LATS2: variants seen among roughly 807,000 people sequenced by gnomAD.
The protein encoded by LATS2 is serine/threonine-protein kinase LATS2.
A neutral mutation model predicts 76.0 loss-of-function variants in LATS2; 24 were observed. That is an observed-to-expected ratio of 0.32 (90% CI 0.23 to 0.44). LATS2 has a LOEUF of 0.44. Ranked by LOEUF, LATS2 falls within the 20% of genes least tolerant of loss-of-function variation. The pLI, the probability that LATS2 is intolerant of heterozygous loss-of-function variation, is 1.00. For missense variants in LATS2, 1,286 were observed against 1,481.2 expected (o/e 0.87, Z 2.16); for synonymous variants, 692 against 635.4 (o/e 1.09, Z -1.34).
intron 2 of LATS2, among the ~76,000 whole-genome samples, chr13:21,008,705 G>A (rs1396486273): frequency 6.6e-6 from 1 of 152,136 alleles, no homozygotes; most frequent in East Asian, 1.9e-4. Flanking sequence ...TGTTGGCAAA[G>A]TTAGAGAGAT....
At chr13:20,978,213 C>A (rs1261471414) in intron 7 of LATS2, among the ~76,000 whole-genome samples, 1 of 152,116 alleles carries the variant, frequency 6.6e-6, no homozygotes, top group East Asian at 1.9e-4. Context: ...CCACGCCCAA[C>A]CTTACTAGAC....
intron 4 of LATS2, among the ~76,000 whole-genome samples, chr13:20,985,764 G>A (rs1383936192): frequency 6.6e-6 from 1 of 150,742 alleles, no homozygotes; most frequent in Non-Finnish European, 1.5e-5. Context: ...AATAAAATAA[G>A]GCCAGGCGCG....
rs188555704 is a variant in LATS2 at position 21,017,859 on chromosome 13, C to G, written c.343-26455G>C. ...CAGACTGGTCTTGAACTCCTGACCT[C>G]AGGTGATCCGCCTGCCTTGGCCTCC... On this transcript the variant is annotated intron_variant, in intron 2 of 7. Transcript: ENST00000382592. 2.0e-5 allele frequency among the ~76,000 whole-genome samples: 3 copies of G among 152,296 alleles called. No individual in the cohort carries two copies. In the East Asian group the frequency reaches 5.8e-4, roughly 29 times the overall value.
intron 2 of LATS2, among the ~76,000 whole-genome samples, chr13:21,012,939 G>C (rs1565954201): frequency 6.6e-6 from 1 of 152,188 alleles, no homozygotes; most frequent in South Asian, 2.1e-4. Flanking sequence ...AATGCTCCAA[G>C]TACTTGTTTC....
intron 2 of LATS2, among the ~76,000 whole-genome samples, chr13:21,009,529 A>T (rs996583388): frequency 1.3e-5 from 2 of 152,228 alleles, no homozygotes; most frequent in Admixed American, 6.5e-5. Context: ...AAGTAAAAAC[A>T]CAACAACAAA....
intron 2 of LATS2, among the ~76,000 whole-genome samples, chr13:21,009,439 C>T (rs1450598049): frequency 6.6e-6 from 1 of 152,166 alleles, no homozygotes; most frequent in Admixed American, 6.5e-5. Context: ...AAACAATTCC[C>T]ATACTCTTTG....
chr13:20,987,009 A>G (rs1477879199), intron 4 of LATS2, among the ~76,000 whole-genome samples: 1 of 152,194 alleles, frequency 6.6e-6, no homozygotes, highest in Non-Finnish European at 1.5e-5. Flanking sequence ...TCTGACCAAC[A>G]TGGCGAAACC....
rs935357275 is a variant in LATS2 at position 20,988,640 on chromosome 13, G to A, written c.1140C>T (p.Ser380=). ...GCGCCTCCAGGCCCGGCTTCTGCAGGGAGTCCCGGCGGGCCAGGGTGGCAG... is the reference window on the plus strand; with the variant it reads ...GCGCCTCCAGGCCCGGCTTCTGCAGAGAGTCCCGGCGGGCCAGGGTGGCAG... ...WPAATLARRD[S]LQKPGLEAPP... The change falls in exon 4 of 8, where the codon TCC becomes TCT. Residue 380 remains serine, a synonymous_variant. Transcript: ENST00000382592. 4 of 1,585,396 alleles carry A rather than the reference G, an allele frequency of 2.5e-6. No individual in the cohort carries two copies. Among genetic ancestry groups the A allele is most frequent in the Non-Finnish European group, 3.4e-6 (4 of 1,174,668 alleles).
At chr13:21,025,581 T>C (rs1275096013) in intron 2 of LATS2, among the ~76,000 whole-genome samples, 3 of 152,268 alleles carry the variant, frequency 2.0e-5, no homozygotes, top group Admixed American at 2.0e-4. Context: ...ACTTAGGTTT[T>C]ATTCCTCTTC....
chr13:20,979,618 G>C lies in LATS2; in HGVS notation c.2772+73C>G. 4 of 757,218 alleles carry C rather than the reference G, an allele frequency of 5.3e-6. 1 individual carries two copies. Among genetic ancestry groups the C allele is most frequent in the South Asian group, 5.2e-5 (3 of 58,082 alleles). 46.9% of individuals were successfully genotyped at this position (757,218 alleles called of 1,614,324 possible). On this transcript the variant is annotated intron_variant, in intron 7 of 7. Coordinates refer to ENST00000382592, the MANE Select transcript of LATS2 (RefSeq NM_014572.3). ...TACTCAGAATAAGAGGGCAAATGCT[G>C]ACCAAAGATTCATGGGTACATGAGC...
intron 2 of LATS2, among the ~76,000 whole-genome samples, chr13:20,992,074 A>T (rs953469341): frequency 1.3e-5 from 2 of 152,176 alleles, no homozygotes; most frequent in Admixed American, 1.3e-4. Context: ...GGTAAAATGG[A>T]TGAGGGCCAC....
chr13:21,042,678 C>T (rs537330910), intron 2 of LATS2, among the ~76,000 whole-genome samples: 2 of 152,032 alleles, frequency 1.3e-5, no homozygotes, highest in Non-Finnish European at 1.5e-5. Flanking sequence ...CAGAGCAAAA[C>T]CCTCTTAAAC....
intron 1 of LATS2, among the ~76,000 whole-genome samples, chr13:21,046,671 C>T (rs917122700): frequency 1.3e-5 from 2 of 152,190 alleles, no homozygotes; most frequent in African/African-American, 2.4e-5. Context: ...ACCTCTCCCC[C>T]CTCACATGAG....
At position 20,988,674 on chromosome 13, in the gene LATS2, T is replaced by C. The variant is rs746740960; in HGVS notation, c.1106A>G (p.Gln369Arg). 6.3e-7 allele frequency: 1 copy of C among 1,575,364 alleles called. No homozygotes were observed. The highest frequency in any genetic ancestry group is 8.5e-7 in the Non-Finnish European group (1 of 1,170,296). Residue 369 changes from glutamine to arginine, a missense_variant, in exon 4 of 8, where the codon CAG becomes CGG. Gln to Arg is a conservative substitution (Grantham distance 43, BLOSUM62 1). This residue lies in a region of LATS2 where 710 missense variants were observed against 660.9 expected (regional missense o/e 1.07). Coordinates refer to ENST00000382592, the MANE Select transcript of LATS2 (RefSeq NM_014572.3). ...GCGGGCCAGGGTGGCAGCCGGCCACTGCTGGACGGAGGTGCTGCCCAATTC... is the reference window on the plus strand; with the variant it reads ...GCGGGCCAGGGTGGCAGCCGGCCACCGCTGGACGGAGGTGCTGCCCAATTC... Reference protein sequence around the residue: ...LYELGSTSVQQWPAATLARRD... With the variant: ...LYELGSTSVQRWPAATLARRD...
At chr13:21,040,084 AAAAG>A (rs1186710820) in intron 2 of LATS2, among the ~76,000 whole-genome samples, 6 of 152,062 alleles carry the variant, frequency 3.9e-5, no homozygotes, top group South Asian at 2.1e-4. Flanking sequence ...AAAAAAAAAA[AAAAG>A]AAAGAAAGAA....
chr13:21,026,508 T>G (rs1418778683), intron 2 of LATS2, among the ~76,000 whole-genome samples: 1 of 152,244 alleles, frequency 6.6e-6, no homozygotes, highest in African/African-American at 2.4e-5. Context: ...TCCATTCAAC[T>G]GTTGATGGAC....
intron 2 of LATS2, among the ~76,000 whole-genome samples, chr13:21,012,662 A>C (rs1871639135): frequency 6.6e-6 from 1 of 152,164 alleles, no homozygotes; most frequent in Non-Finnish European, 1.5e-5. Context: ...ATGGTAAACA[A>C]GTATGGTATA....
At chr13:21,015,054 C>A (rs141156090) in intron 2 of LATS2, among the ~76,000 whole-genome samples, 1 of 152,204 alleles carries the variant, frequency 6.6e-6, no homozygotes, top group African/African-American at 2.4e-5. Context: ...CTGGCACTCA[C>A]GTGTGGGCTG....
chr13:21,008,463 T>C (rs1448682413), intron 2 of LATS2, among the ~76,000 whole-genome samples: 2 of 152,084 alleles, frequency 1.3e-5, no homozygotes, highest in Admixed American at 6.5e-5. Context: ...TAACGCTAAA[T>C]GTAGGTATTT....
Sources: allele counts gnomAD v4.1 joint callset (sites outside exome capture counted in the v4.1 genomes callset), GRCh38; gene constraint gnomAD v4.1.1; regional missense constraint gnomAD v4.1.1; transcripts MANE v1.5; gene names NCBI Gene and HGNC (gene_info 2026-07-23, HGNC 2026-07-21).